The following TEK variants were observed in gnomAD, a reference collection of about 807,000 sequenced individuals.
TEK encodes TEK receptor tyrosine kinase, also known as angiopoietin-1 receptor.
TEK carries 43 observed loss-of-function variants against 131.8 expected under a neutral mutation model. The observed-to-expected ratio is 0.33, with a 90% confidence interval of 0.26 to 0.42. The LOEUF (loss-of-function observed/expected upper bound fraction) is 0.42, where lower values mean the gene tolerates loss of function less well. Ranked by LOEUF, TEK falls within the 10% of genes least tolerant of loss-of-function variation. The pLI is 1.00. For synonymous variants in TEK, 580 were observed against 491.6 expected (o/e 1.18, Z -2.38); for missense variants, 1,162 against 1,384.4 (o/e 0.84, Z 2.55).
intron 12 of TEK, among the ~76,000 whole-genome samples, chr9:27,199,229 C>A (rs911437641): frequency 3.3e-5 from 5 of 152,194 alleles, no homozygotes; most frequent in Non-Finnish European, 5.9e-5. Flanking sequence ...ATTTTAACTT[C>A]TGTATAATAT....
intron 1 of TEK, among the ~76,000 whole-genome samples, chr9:27,118,052 G>A (rs1488690992): frequency 2.6e-5 from 4 of 152,118 alleles, no homozygotes; most frequent in Non-Finnish European, 5.9e-5. Context: ...GTTGTGCAAG[G>A]CGTCTGGCTG....
chr9:27,140,138 AG>A (rs1822668739), intron 1 of TEK, among the ~76,000 whole-genome samples: 2 of 152,216 alleles, frequency 1.3e-5, no homozygotes, highest in African/African-American at 4.8e-5. Flanking sequence ...TATTTAAGTT[AG>A]GCAAATTCAA....
At chr9:27,163,417 G>A (rs542295474) in intron 2 of TEK, among the ~76,000 whole-genome samples, 27 of 152,312 alleles carry the variant, frequency 1.8e-4, no homozygotes, top group Middle Eastern at 3.4e-3. Flanking sequence ...TGTTCCAGGT[G>A]TTGTGTGAGG....
chr9:27,224,500 GA>G (rs1214003151), intron 21 of TEK, among the ~76,000 whole-genome samples: 5 of 151,948 alleles, frequency 3.3e-5, no homozygotes, highest in Non-Finnish European at 7.4e-5. Flanking sequence ...CAGAACCAAT[GA>G]AAAAAACCAC....
rs4631561 is a variant in TEK, at chr9:27,203,080, G to A, written c.2170G>A (p.Ala724Thr). Residue 724 changes from alanine to threonine, a missense_variant, in exon 13 of 23, where the codon GCC (alanine) becomes ACC (threonine). Physicochemically the swap from Ala to Thr is moderately conservative, Grantham distance 58 (BLOSUM62 0). Coordinates refer to ENST00000380036, the MANE Select transcript of TEK (RefSeq NM_000459.5). The stretch of plus-strand genomic sequence containing the variant: ...GAACAACATAGGGTCAAGCAACCCA[G>A]CCTTTTCTCATGAACTGGTGACCCT... ...AENNIGSSNP[A>T]FSHELVTLPE... 4.4e-3 allele frequency: 7,035 copies of A among 1,614,070 alleles called. 280 individuals carry two copies. In the African/African-American group the frequency reaches 0.083, roughly 19 times the overall value.
Position 27,206,577 on chromosome 9 carries a change from T to C in TEK, c.2365-5T>C. ...CACAAAATGATGAAATAATTATTTT[T>C]CCAGAGGGAAGAACCAGCTGTGCAG... On this transcript the variant is annotated splice_polypyrimidine_tract_variant and splice_region_variant and intron_variant, in intron 14 of 22. Transcript: ENST00000380036. 6.2e-7 allele frequency: 1 copy of C among 1,612,880 alleles called. No homozygotes were observed. Among genetic ancestry groups the C allele is most frequent in the Non-Finnish European group, 8.5e-7 (1 of 1,179,456 alleles).
chr9:27,120,984 A>T (rs993367277), intron 1 of TEK, among the ~76,000 whole-genome samples: 10 of 152,344 alleles, frequency 6.6e-5, no homozygotes, highest in African/African-American at 1.9e-4. Flanking sequence ...CAGTATTTCC[A>T]GTACCTGACT....
intron 1 of TEK, among the ~76,000 whole-genome samples, chr9:27,147,246 TTTTC>T (rs1792079599): frequency 6.6e-6 from 1 of 152,166 alleles, no homozygotes; most frequent in Non-Finnish European, 1.5e-5. Context: ...AGGTTTTCTT[TTTTC>T]TTTCTTCTTT....
chr9:27,138,974 C>A (rs889570450), intron 1 of TEK, among the ~76,000 whole-genome samples: 1 of 151,896 alleles, frequency 6.6e-6, no homozygotes. Context: ...CTTTGGGAGG[C>A]CGAGGTGGGT....
chr9:27,118,739 C>T (rs1821667022), intron 1 of TEK, among the ~76,000 whole-genome samples: 1 of 152,158 alleles, frequency 6.6e-6, no homozygotes, highest in East Asian at 1.9e-4. Context: ...TCTGATGGGT[C>T]TGCCAATCAC....
chr9:27,184,300 A>C (rs1379890571), intron 8 of TEK, among the ~76,000 whole-genome samples: 1 of 152,128 alleles, frequency 6.6e-6, no homozygotes, highest in African/African-American at 2.4e-5. Flanking sequence ...CTCTCTCCCA[A>C]CTATACCAAA....
intron 1 of TEK, among the ~76,000 whole-genome samples, chr9:27,148,011 A>G (rs909175532): frequency 6.6e-6 from 1 of 152,210 alleles, no homozygotes; most frequent in South Asian, 2.1e-4. Context: ...TGTTAAATGG[A>G]AACAGTCATA....
chr9:27,215,970 C>T (rs970588636), intron 18 of TEK, among the ~76,000 whole-genome samples: 2 of 152,066 alleles, frequency 1.3e-5, no homozygotes, highest in Non-Finnish European at 2.9e-5. Flanking sequence ...AGCTGGAGGA[C>T]ACAGTACATA....
intron 9 of TEK, among the ~76,000 whole-genome samples, chr9:27,188,168 C>G (rs979823152): frequency 2.0e-5 from 3 of 152,152 alleles, no homozygotes; most frequent in African/African-American, 7.2e-5. Context: ...TCTTCAGTCA[C>G]AGAAGTCAGA....
chr9:27,207,911 A>T (rs1230687632), intron 15 of TEK, among the ~76,000 whole-genome samples: 1 of 152,210 alleles, frequency 6.6e-6, no homozygotes, highest in South Asian at 2.1e-4. Flanking sequence ...TACTTGCAAA[A>T]CAGCCACAAA....
In TEK at chr9:27,206,563, G is replaced by T. The variant is rs780116637; in HGVS notation, c.2365-19G>T. On this transcript the variant is annotated intron_variant, in intron 14 of 22. Coordinates refer to ENST00000380036, the MANE Select transcript of TEK (RefSeq NM_000459.5). ...ATGAAAAATCCTGACACAAAATGAT[G>T]AAATAATTATTTTTCCAGAGGGAAG... The T allele has an allele frequency of 3.1e-6, 5 of 1,608,792 alleles. No homozygotes were observed. Among genetic ancestry groups the T allele is most frequent in the Non-Finnish European group, 4.2e-6 (5 of 1,177,288 alleles).
At chr9:27,144,568 G>A (rs1245321649) in intron 1 of TEK, among the ~76,000 whole-genome samples, 2 of 152,194 alleles carry the variant, frequency 1.3e-5, no homozygotes, top group Non-Finnish European at 2.9e-5. Context: ...ATTTCACCTG[G>A]CAAATGTTTA....
intron 7 of TEK, among the ~76,000 whole-genome samples, chr9:27,181,232 G>T (rs1824360046): frequency 6.6e-6 from 1 of 152,240 alleles, no homozygotes; most frequent in South Asian, 2.1e-4. Flanking sequence ...AATTAACACA[G>T]AGACTAGTAT....
chr9:27,191,150 G>A (rs934770866), intron 10 of TEK, among the ~76,000 whole-genome samples: 4 of 152,006 alleles, frequency 2.6e-5, no homozygotes, highest in African/African-American at 9.7e-5. Flanking sequence ...GTCTTGCCCT[G>A]TCCTGCAGAC....
Sources: gnomAD v4.1 joint callset for allele counts (sites outside exome capture counted in the v4.1 genomes callset) on GRCh38, gnomAD v4.1.1 for gene constraint, MANE v1.5 for transcripts, NCBI Gene and HGNC (gene_info 2026-07-23, HGNC 2026-07-21) for gene names.